UBE2N: variants seen among roughly 807,000 people sequenced by gnomAD.
UBE2N encodes the protein ubiquitin-conjugating enzyme E2 N.
For missense variants in UBE2N, 60 were observed against 192.1 expected (o/e 0.31, Z 4.07); for synonymous variants, 70 against 69.2 (o/e 1.01, Z -0.06).
rs113958401 is a variant in UBE2N at position 93,408,632 on chromosome 12, G to A, written c.*1407C>T. On this transcript the variant is annotated 3_prime_UTR_variant, in exon 4 of 4. Transcript: ENST00000318066. ...ATATGGAGAGAGGTGGGAAAGAACA[G>A]TTTTGTGAGGGGAGGAATTCGTCAA... 4.6e-5 allele frequency: 7 copies of A among 152,310 alleles called. No individual in the cohort carries two copies. Among genetic ancestry groups the A allele is most frequent in the African/African-American group, 1.7e-4 (7 of 41,566 alleles). 9.4% of individuals were successfully genotyped at this position (152,310 alleles called of 1,614,324 possible). A position where few individuals can be genotyped will look rare whatever the true frequency, so the allele number is the denominator to read the frequency against.
chr12:93,439,307 C>T (rs1483472904), intron 1 of UBE2N, among the ~76,000 whole-genome samples: 1 of 152,040 alleles, frequency 6.6e-6, no homozygotes, highest in East Asian at 1.9e-4. Context: ...GGCAACATGG[C>T]GAAACCCCGT....
chr12:93,417,854 A>T (rs946757206), intron 1 of UBE2N, among the ~76,000 whole-genome samples: 3 of 152,314 alleles, frequency 2.0e-5, no homozygotes, highest in African/African-American at 7.2e-5. Context: ...ATAAAGAAAA[A>T]AATTATGAAA....
chr12:93,437,899 C>G (rs1878981682), intron 1 of UBE2N, among the ~76,000 whole-genome samples: 2 of 152,180 alleles, frequency 1.3e-5, no homozygotes, highest in African/African-American at 4.8e-5. Flanking sequence ...CAAATGTGCT[C>G]TATGTGTGCA....
chr12:93,426,662 G>C (rs948995402), intron 1 of UBE2N, among the ~76,000 whole-genome samples: 3 of 152,092 alleles, frequency 2.0e-5, no homozygotes, highest in African/African-American at 7.2e-5. Context: ...GGCCAGGCCA[G>C]GCAGTTTTCT....
At chr12:93,429,431 TTCAG>T (rs1397602625) in intron 1 of UBE2N, 3 of 300,588 alleles carry the variant, frequency 1.0e-5, no homozygotes, top group African/African-American at 2.3e-5. Context: ...CTGTATGAGT[TTCAG>T]TCAATGATCA....
chr12:93,433,852 T>C (rs1328414356), intron 1 of UBE2N, among the ~76,000 whole-genome samples: 2 of 152,236 alleles, frequency 1.3e-5, no homozygotes, highest in Non-Finnish European at 2.9e-5. Context: ...GTAGCATATT[T>C]TCTTCTTAAA....
In UBE2N at chr12:93,408,348, T is replaced by C. The variant is rs538872467; in HGVS notation, c.*1691A>G. 6.6e-6 allele frequency: 1 copy of C among 152,370 alleles called. No individual in the cohort carries two copies. Among genetic ancestry groups the C allele is most frequent in the East Asian group, 1.9e-4 (1 of 5,196 alleles). The allele number at this position is 152,370 out of a possible 1,614,324, so 9.4% of individuals were successfully genotyped here. On this transcript the variant is annotated 3_prime_UTR_variant, in exon 4 of 4. Transcript: ENST00000318066. ...TGCATTTATTTGGAAGGATACCAGT[T>C]ACCAGTCATCAAAAGCTTTTGTATG...
rs1877983993 is a variant in UBE2N, at chr12:93,409,896, T to A, written c.*143A>T. On this transcript the variant is annotated 3_prime_UTR_variant, in exon 4 of 4. Transcript: ENST00000318066. ...AGGACAAGACATAGATTTGCTAATG[T>A]GCATTTAATCACCAAAGGACTGAAG... 1 of 744,066 alleles carries A rather than the reference T, an allele frequency of 1.3e-6. No individual in the cohort carries two copies. Among genetic ancestry groups the A allele is most frequent in the East Asian group, 2.8e-5 (1 of 36,014 alleles). The allele number at this position is 744,066 out of a possible 1,614,324, so 46.1% of individuals were successfully genotyped here.
At chr12:93,416,323 A>G (rs967143525) in intron 1 of UBE2N, among the ~76,000 whole-genome samples, 1 of 152,240 alleles carries the variant, frequency 6.6e-6, no homozygotes, top group African/African-American at 2.4e-5. Context: ...TCCGGCCACT[A>G]TTCAACACAT....
At chr12:93,426,390 CAAAAA>C (rs57644203) in intron 1 of UBE2N, among the ~76,000 whole-genome samples, 4 of 101,240 alleles carry the variant, frequency 4.0e-5, no homozygotes, top group African/African-American at 1.1e-4. Flanking sequence ...AAACTGCATC[CAAAAA>C]AAAAAAAAAA....
intron 1 of UBE2N, among the ~76,000 whole-genome samples, chr12:93,434,157 T>C (rs967574997): frequency 3.9e-5 from 6 of 152,194 alleles, no homozygotes; most frequent in African/African-American, 1.4e-4. Flanking sequence ...CTGGGTGTGG[T>C]GGCGCGTGCC....
At chr12:93,432,350 T>C (rs997905108) in intron 1 of UBE2N, among the ~76,000 whole-genome samples, 2 of 151,816 alleles carry the variant, frequency 1.3e-5, no homozygotes, top group Non-Finnish European at 2.9e-5. Flanking sequence ...GAATGGATAA[T>C]AAAGAGACAC....
Position 93,409,956 on chromosome 12 carries a change from G to T in UBE2N, c.*83C>A. 1 of 1,378,854 alleles carries T rather than the reference G, an allele frequency of 7.3e-7. No homozygotes were observed. Among genetic ancestry groups the T allele is most frequent in the South Asian group, 1.2e-5 (1 of 83,764 alleles). The allele number at this position is 1,378,854 out of a possible 1,614,324, so 85.4% of individuals were successfully genotyped here. On this transcript the variant is annotated 3_prime_UTR_variant, in exon 4 of 4. Coordinates refer to ENST00000318066, the MANE Select transcript of UBE2N (RefSeq NM_003348.4). ...CTTTTTTATTCTGTAATGTTTCTAA[G>T]ACTGTGTCCATTAAATGCAAACAAA...
chr12:93,432,764 T>A (rs1003581869), intron 1 of UBE2N, among the ~76,000 whole-genome samples: 1 of 152,106 alleles, frequency 6.6e-6, no homozygotes, highest in Non-Finnish European at 1.5e-5. Flanking sequence ...ACATAGCCAG[T>A]TGTTTTAATG....
rs893910693 is a variant in UBE2N, at chr12:93,410,858, T to C, written c.294A>G (p.Ala98=). Residue 98 remains alanine (A), a synonymous_variant, in exon 3 of 4, where the codon GCA becomes GCG. Coordinates refer to ENST00000318066, the MANE Select transcript of UBE2N (RefSeq NM_003348.4). ...LDILKDKWSP[A]LQIRTVLLSI... Reference sequence around the variant, plus strand: ...ATAGCAGAACTGTGCGGATCTGCAGTGCTGGGGACCACTTATCTATGAAGG... The same window carrying C: ...ATAGCAGAACTGTGCGGATCTGCAGCGCTGGGGACCACTTATCTATGAAGG... The C allele has an allele frequency of 1.2e-6, 2 of 1,614,048 alleles. No homozygotes were observed. Among genetic ancestry groups the C allele is most frequent in the Non-Finnish European group, 1.7e-6 (2 of 1,180,036 alleles).
chr12:93,414,448 CAAAAAAAAAAA>C (rs398020640), intron 1 of UBE2N, among the ~76,000 whole-genome samples: 13 of 73,988 alleles, frequency 1.8e-4, no homozygotes, highest in African/African-American at 2.9e-4. Context: ...AGCTCCGTCT[CAAAAAAAAAAA>C]AAAAAAAAAA....
chr12:93,410,352 C>G (rs1877996760), intron 3 of UBE2N: 3 of 491,466 alleles, frequency 6.1e-6, no homozygotes, highest in South Asian at 5.2e-5. Flanking sequence ...CACTAATTTT[C>G]TTAAAATCTG....
At position 93,406,357 on chromosome 12, in the gene UBE2N, G is replaced by A. The variant is rs997300296; in HGVS notation, c.*3682C>T. On this transcript the variant is annotated 3_prime_UTR_variant, in exon 4 of 4. Transcript: ENST00000318066. ...TGAGGCCTATTCCTATCATTTCCTC[G>A]ATCCAATTTAGTTCCACTTAGGTCA... The A allele has an allele frequency of 7.0e-6, 1 of 143,006 alleles. No individual in the cohort carries two copies. The highest frequency in any genetic ancestry group is 1.5e-5 in the Non-Finnish European group (1 of 67,000). 8.9% of individuals were successfully genotyped at this position (143,006 alleles called of 1,614,324 possible). A position where few individuals can be genotyped will look rare whatever the true frequency, so the allele number is the denominator to read the frequency against.
intron 2 of UBE2N, 62 bp downstream of exon 2, chr12:93,410,991 A>T: frequency 6.2e-7 from 1 of 1,613,410 alleles, no homozygotes; most frequent in Non-Finnish European, 8.5e-7. Context: ...CTAAACATGG[A>T]ATGCTTAAGA....
Sources: allele counts gnomAD v4.1 joint callset (sites outside exome capture counted in the v4.1 genomes callset), GRCh38; gene constraint gnomAD v4.1.1; transcripts MANE v1.5; gene names NCBI Gene and HGNC (gene_info 2026-07-23, HGNC 2026-07-21).